The following TRPM3 variants were observed in gnomAD, a reference collection of about 807,000 sequenced individuals.
TRPM3 encodes long transient receptor potential channel 3.
A neutral mutation model predicts 181.2 loss-of-function variants in TRPM3; 77 were observed. That is an observed-to-expected ratio of 0.42 (90% CI 0.35 to 0.51). The LOEUF (loss-of-function observed/expected upper bound fraction) is 0.51, where lower values mean the gene tolerates loss of function less well. TRPM3 is among the 20% of genes least tolerant of loss of function. The pLI is 0.01. For synonymous variants in TRPM3, 745 were observed against 796.4 expected (o/e 0.94, Z 1.09); for missense variants, 1,759 against 2,196.7 (o/e 0.80, Z 3.98).
intron 1 of TRPM3, among the ~76,000 whole-genome samples, chr9:71,103,686 A>G (rs2068844440): frequency 1.3e-5 from 2 of 152,192 alleles, no homozygotes; most frequent in Non-Finnish European, 2.9e-5. Context: ...CCCAAAGACT[A>G]TCTTTTCTTC....
intron 1 of TRPM3, among the ~76,000 whole-genome samples, chr9:71,225,376 A>G (rs1817634677): frequency 6.6e-6 from 1 of 152,186 alleles, no homozygotes. Context: ...TAGTATATCT[A>G]GTAAATATAT....
At chr9:70,891,901 C>G (rs1365363012) in intron 1 of TRPM3, among the ~76,000 whole-genome samples, 1 of 152,126 alleles carries the variant, frequency 6.6e-6, no homozygotes, top group Admixed American at 6.5e-5. Flanking sequence ...CAAACTTAAG[C>G]CTTTCTCACC....
chr9:70,576,066 CCT>C (rs917448976), intron 22 of TRPM3, among the ~76,000 whole-genome samples: 2 of 152,134 alleles, frequency 1.3e-5, no homozygotes, highest in Admixed American at 6.5e-5. Flanking sequence ...CAGGATGCCC[CCT>C]GTTTTCATGA....
intron 1 of TRPM3, among the ~76,000 whole-genome samples, chr9:71,311,941 C>A (rs1008063627): frequency 2.6e-5 from 4 of 152,074 alleles, no homozygotes; most frequent in Non-Finnish European, 2.9e-5. Flanking sequence ...TATGAATTTG[C>A]ATCCTGGGCC....
At chr9:71,125,006 A>G (rs534389371), upstream of TRPM3, among the ~76,000 whole-genome samples, 1 of 152,290 alleles carries the variant, frequency 6.6e-6, no homozygotes, top group Admixed American at 6.5e-5. Context: ...AGGCTCTAAT[A>G]TATGGATGTA....
intron 22 of TRPM3, among the ~76,000 whole-genome samples, chr9:70,563,986 C>G (rs1379212581): frequency 6.6e-6 from 1 of 152,142 alleles, no homozygotes. Context: ...TTCTTACAAT[C>G]AACATTTTTC....
At chr9:71,377,467 T>C (rs1432162175) in intron 1 of TRPM3, among the ~76,000 whole-genome samples, 1 of 152,044 alleles carries the variant, frequency 6.6e-6, no homozygotes, top group Non-Finnish European at 1.5e-5. Flanking sequence ...TTGCATTCAA[T>C]AGACAGAAAC....
Position 70,843,412 on chromosome 9 carries a change from A to AT in TRPM3, c.677-286dup, listed in dbSNP as rs3833696. 1.5e-4 allele frequency among the ~76,000 whole-genome samples: 23 copies of AT among 151,998 alleles called. No homozygotes were observed. In the East Asian group the frequency reaches 2.3e-3, roughly 15 times the overall value. On this transcript the variant is annotated intron_variant, in intron 4 of 25. Transcript: ENST00000677713. Reference sequence around the variant, plus strand: ...AATGTCTATAAAAAGAATAAATACAATTTTTTTTAACTAGAAACTCTTTTT... The same window carrying AT: ...AATGTCTATAAAAAGAATAAATACAATTTTTTTTTAACTAGAAACTCTTTTT...
intron 1 of TRPM3, among the ~76,000 whole-genome samples, chr9:70,932,302 T>C (rs890702477): frequency 1.3e-5 from 2 of 152,110 alleles, no homozygotes; most frequent in Non-Finnish European, 2.9e-5. Context: ...AAACAGTCTC[T>C]AATGCCTTCC....
At chr9:71,004,592 G>T (rs1310667277) in intron 1 of TRPM3, among the ~76,000 whole-genome samples, 1 of 152,146 alleles carries the variant, frequency 6.6e-6, no homozygotes, top group Non-Finnish European at 1.5e-5. Flanking sequence ...AGAGAACTAT[G>T]ACATCACCAA....
chr9:70,947,169 C>G (rs1016449934), intron 1 of TRPM3, among the ~76,000 whole-genome samples: 2 of 152,144 alleles, frequency 1.3e-5, no homozygotes, highest in Non-Finnish European at 2.9e-5. Context: ...TCAATACTAC[C>G]ATCAGTAGTG....
intron 1 of TRPM3, among the ~76,000 whole-genome samples, chr9:70,939,263 T>C (rs2096861227): frequency 6.6e-6 from 1 of 152,240 alleles, no homozygotes; most frequent in African/African-American, 2.4e-5. Flanking sequence ...AAAGTTATTG[T>C]CTTTATTTAT....
intron 1 of TRPM3, among the ~76,000 whole-genome samples, chr9:71,435,230 G>A (rs2094014647): frequency 2.0e-5 from 3 of 152,048 alleles, no homozygotes; most frequent in Admixed American, 2.0e-4. Context: ...TACTTATAAT[G>A]TGAATAATAT....
At chr9:71,122,118 TG>T (rs1290512035), upstream of TRPM3, among the ~76,000 whole-genome samples, 1 of 152,166 alleles carries the variant, frequency 6.6e-6, no homozygotes, top group Non-Finnish European at 1.5e-5. Flanking sequence ...AGTTTTTAAA[TG>T]GGGGTTATCT....
chr9:71,218,134 T>C (rs1005043803), intron 1 of TRPM3, among the ~76,000 whole-genome samples: 1 of 152,234 alleles, frequency 6.6e-6, no homozygotes. Context: ...TTTTAATTTA[T>C]GGCAGTCTGG....
intron 1 of TRPM3, among the ~76,000 whole-genome samples, chr9:71,026,763 C>T (rs1013587730): frequency 6.6e-6 from 1 of 152,206 alleles, no homozygotes; most frequent in Non-Finnish European, 1.5e-5. Flanking sequence ...GCCACCACTG[C>T]CAGTGTGAAT....
At chr9:70,675,276 T>C (rs115711802) in intron 9 of TRPM3, among the ~76,000 whole-genome samples, 1,907 of 152,174 alleles carry the variant, frequency 0.013, 28 homozygotes, top group African/African-American at 0.036. Context: ...TATTTTTGTA[T>C]TTTTAGTAGA....
intron 1 of TRPM3, among the ~76,000 whole-genome samples, chr9:71,203,053 C>G (rs2078904000): frequency 6.6e-6 from 1 of 152,202 alleles, no homozygotes; most frequent in South Asian, 2.1e-4. Context: ...AGCCAGGTTG[C>G]AAATGGATGG....
intron 1 of TRPM3, among the ~76,000 whole-genome samples, chr9:71,260,064 G>A (rs1247783089): frequency 6.6e-6 from 1 of 152,176 alleles, no homozygotes; most frequent in African/African-American, 2.4e-5. Context: ...TGTATAAAGT[G>A]TAAGGAAGGG....
Sources: allele counts gnomAD v4.1 joint callset (sites outside exome capture counted in the v4.1 genomes callset), GRCh38; gene constraint gnomAD v4.1.1; transcripts MANE v1.5; gene names NCBI Gene and HGNC (gene_info 2026-07-23, HGNC 2026-07-21).